Variants in LAMA1 observed in about 807,000 individuals in gnomAD.
The protein encoded by LAMA1 is laminin subunit alpha-1.
Under a neutral mutation model 348.7 loss-of-function variants are expected in LAMA1, and 219 were observed. The ratio of observed to expected loss-of-function variants is 0.63; its 90% CI spans 0.56 to 0.70. The LOEUF is 0.70. LAMA1 is among the 30% of genes least tolerant of loss of function. LAMA1 has a pLI of 0.00. For synonymous variants in LAMA1, 1,487 were observed against 1,491.0 expected, an observed-to-expected ratio of 1.00 and a Z score of 0.06; for missense variants, 3,744 against 3,888.0, an observed-to-expected ratio of 0.96 and a Z score of 0.99.
Position 7,012,079 on chromosome 18 carries a change from T to G in LAMA1, c.3423A>C (p.Ala1141=). The change falls in exon 24 of 63, where the codon GCA becomes GCC. Residue 1141 remains alanine (A), a synonymous_variant. Transcript: ENST00000389658. ...ECREGTFALR[A]DNPLGCSPCF... Reference sequence around the variant, plus strand: ...ACGGGCTGCAGCCCAGGGGGTTGTCTGCGCGGAGAGCGAAGGTGCCCTCTC... The same window carrying G: ...ACGGGCTGCAGCCCAGGGGGTTGTCGGCGCGGAGAGCGAAGGTGCCCTCTC... 6.2e-7 allele frequency: 1 copy of G among 1,613,372 alleles called. No individual in the cohort carries two copies. Among genetic ancestry groups the G allele is most frequent in the Non-Finnish European group, 8.5e-7 (1 of 1,179,674 alleles).
intron 5 of LAMA1, among the ~76,000 whole-genome samples, chr18:7,047,920 T>C (rs2144196419): frequency 6.6e-6 from 1 of 152,252 alleles, no homozygotes; most frequent in Middle Eastern, 3.4e-3. Flanking sequence ...GCTAAAACTA[T>C]ACAGCTACTA....
At chr18:6,951,092 A>G (rs1401544672) in intron 57 of LAMA1, 121 bp from the exon 58 acceptor site, 1 of 848,356 alleles carries the variant, frequency 1.2e-6, no homozygotes, top group Admixed American at 2.0e-5. Context: ...AGAGAGGGGT[A>G]TTCATTCCTT....
At chr18:7,081,727 G>A (rs995098755) in intron 1 of LAMA1, among the ~76,000 whole-genome samples, 4 of 152,170 alleles carry the variant, frequency 2.6e-5, no homozygotes, top group Admixed American at 2.0e-4. Flanking sequence ...TGGTGTACGC[G>A]ATGTTGAAGA....
At chr18:7,114,476 A>G (rs533089831) in intron 1 of LAMA1, among the ~76,000 whole-genome samples, 1 of 152,378 alleles carries the variant, frequency 6.6e-6, no homozygotes, top group African/African-American at 2.4e-5. Context: ...TTAAAAATAT[A>G]TAGTTCTTTA....
chr18:7,055,377 C>G (rs779564721), intron 3 of LAMA1, among the ~76,000 whole-genome samples: 11 of 148,558 alleles, frequency 7.4e-5, no homozygotes, highest in Non-Finnish European at 1.5e-4. Flanking sequence ...TGCTTGAACC[C>G]GGGAGGCAGA....
chr18:6,977,731 G>A lies in LAMA1; in HGVS notation c.6341C>T (p.Ala2114Val), dbSNP rs138291906. The A allele has an allele frequency of 2.5e-6, 4 of 1,613,970 alleles. No individual in the cohort carries two copies. The highest frequency in any genetic ancestry group is 3.4e-6 in the Non-Finnish European group (4 of 1,179,998). The change falls in exon 44 of 63, where the codon GCT becomes GTT. Residue 2114 changes from alanine (A) to valine (V), a missense_variant. By Grantham distance (64) the Ala-to-Val change is moderately conservative. Coordinates refer to ENST00000389658, the MANE Select transcript of LAMA1 (RefSeq NM_005559.4). ...LLISQARKQA[A>V]SIKVAVSADR... ...GCCACGGGGCCCCAAACTCACAGAAGCTGCTTGTTTGCGGGCCTGGCTGAT... is the reference window on the plus strand; with the variant it reads ...GCCACGGGGCCCCAAACTCACAGAAACTGCTTGTTTGCGGGCCTGGCTGAT...
chr18:7,113,015 T>C (rs1421681961), intron 1 of LAMA1, among the ~76,000 whole-genome samples: 2 of 152,226 alleles, frequency 1.3e-5, no homozygotes, highest in South Asian at 4.1e-4. Flanking sequence ...AAGTGGCTAC[T>C]AACTGCTAGA....
chr18:7,103,801 A>C (rs1438775050), intron 1 of LAMA1, among the ~76,000 whole-genome samples: 1 of 150,264 alleles, frequency 6.7e-6, no homozygotes, highest in African/African-American at 2.4e-5. Context: ...CCTGGGTGAC[A>C]GAGTAAGACT....
At chr18:6,948,103 T>C (rs2057530251) in intron 60 of LAMA1, among the ~76,000 whole-genome samples, 1 of 152,212 alleles carries the variant, frequency 6.6e-6, no homozygotes, top group South Asian at 2.1e-4. Flanking sequence ...CTTTCTTAAC[T>C]TGGACAGTAA....
intron 57 of LAMA1, among the ~76,000 whole-genome samples, chr18:6,952,723 A>T (rs1367858672): frequency 3.3e-5 from 5 of 152,244 alleles, no homozygotes; most frequent in African/African-American, 1.2e-4. Context: ...CTGCCCAGAA[A>T]GTGAATCCTG....
Position 7,026,853 on chromosome 18 carries a change from T to G in LAMA1, c.2275-747A>C, listed in dbSNP as rs1187627404. 2.6e-5 allele frequency among the ~76,000 whole-genome samples: 4 copies of G among 152,014 alleles called. No individual in the cohort carries two copies. The East Asian group carries it at 7.8e-4, about 30-fold the overall frequency. On this transcript the variant is annotated intron_variant, in intron 16 of 62. Transcript: ENST00000389658. Reference sequence around the variant, plus strand: ...TCTACTAAAAATACAAAAAATTAGCTGGGCTTGGTGGCGGGCGCCTGTAGT... The same window carrying G: ...TCTACTAAAAATACAAAAAATTAGCGGGGCTTGGTGGCGGGCGCCTGTAGT...
chr18:7,113,001 CAAG>C (rs2058341826), intron 1 of LAMA1, among the ~76,000 whole-genome samples: 1 of 152,166 alleles, frequency 6.6e-6, no homozygotes, highest in Non-Finnish European at 1.5e-5. Context: ...AGCTCAACAA[CAAG>C]AAGTGGCTAC....
Position 7,026,024 on chromosome 18 carries a change from C to T in LAMA1, c.2357G>A (p.Gly786Glu), listed in dbSNP as rs2057941339. ...FYGEPSRGTP[G>E]DCQPCACPLT... ...AGGGCAGGCGCAGGGCTGGCAGTCC[C>T]CAGGTGTCCCTCGGGAAGGCTCCCC... Residue 786 changes from glycine (G) to glutamate (E), a missense_variant, in exon 17 of 63, where the codon GGG becomes GAG. This residue lies in a region of LAMA1 where 1,529 missense variants were observed against 1,689.4 expected (regional missense o/e 0.91). Coordinates refer to ENST00000389658, the MANE Select transcript of LAMA1 (RefSeq NM_005559.4). 1 of 1,609,548 alleles carries T rather than the reference C, an allele frequency of 6.2e-7. No individual in the cohort carries two copies. The highest frequency in any genetic ancestry group is 8.5e-7 in the Non-Finnish European group (1 of 1,177,982).
chr18:7,007,520 T>C (rs1000047467), intron 28 of LAMA1, among the ~76,000 whole-genome samples: 19 of 149,572 alleles, frequency 1.3e-4, no homozygotes, highest in African/African-American at 4.7e-4. Flanking sequence ...GGACCTTGTA[T>C]ACTGCTGGTG....
chr18:7,117,768 C>A lies in LAMA1; in HGVS notation c.-48G>T. 2 of 1,541,970 alleles carry A rather than the reference C, an allele frequency of 1.3e-6. No homozygotes were observed. The highest frequency in any genetic ancestry group is 2.3e-5 in the East Asian group (1 of 42,974). On this transcript the variant is annotated 5_prime_UTR_variant, in exon 1 of 63. Coordinates refer to ENST00000389658, the MANE Select transcript of LAMA1 (RefSeq NM_005559.4). ...GGGTCTGGGGAGAAAGCCGCGCGCC[C>A]GCCTGGAACGCTCCACGGGACGCGA...
At chr18:6,997,546 C>G (rs1353537648) in intron 33 of LAMA1, among the ~76,000 whole-genome samples, 196 bp downstream of exon 33, 1 of 152,144 alleles carries the variant, frequency 6.6e-6, no homozygotes, top group Non-Finnish European at 1.5e-5. Flanking sequence ...GTGAAACAAG[C>G]TAGCGTGTGA....
At position 7,041,155 on chromosome 18, in the gene LAMA1, T is replaced by TA. The variant is rs879262403; in HGVS notation, c.1262-920dup. ...CGTTGTAAATTATAAAACTGTTTTG[T>TA]AAAAAAAAAAAAGCACAGAGGCAAG... On this transcript the variant is annotated intron_variant, in intron 9 of 62. Transcript: ENST00000389658. Among the ~76,000 whole-genome samples, 349 of 142,892 alleles carry TA rather than the reference T, an allele frequency of 2.4e-3. 1 individual carries two copies. Among genetic ancestry groups the TA allele is most frequent in the Middle Eastern group, 0.014 (4 of 288 alleles). The allele number at this position is 142,892 out of a possible 152,430, so 93.7% of individuals were successfully genotyped here.
chr18:6,947,900 AGG>A (rs2057529438), intron 60 of LAMA1, among the ~76,000 whole-genome samples: 1 of 152,098 alleles, frequency 6.6e-6, no homozygotes, highest in Non-Finnish European at 1.5e-5. Context: ...GGGGGGTGCA[AGG>A]GGAGCTGAGG....
chr18:7,016,156 C>G (rs987972467), intron 21 of LAMA1, among the ~76,000 whole-genome samples: 1 of 152,130 alleles, frequency 6.6e-6, no homozygotes, highest in East Asian at 1.9e-4. Flanking sequence ...TACTGCAGGC[C>G]CAATGCCATG....
Sources: gnomAD v4.1 joint callset for allele counts (sites outside exome capture counted in the v4.1 genomes callset) on GRCh38, gnomAD v4.1.1 for gene constraint, gnomAD v4.1.1 regional missense constraint, MANE v1.5 for transcripts, NCBI Gene and HGNC (gene_info 2026-07-23, HGNC 2026-07-21) for gene names.